Variants in PTPN4 observed in about 807,000 individuals in gnomAD.
PTPN4 encodes the protein tyrosine-protein phosphatase non-receptor type 4.
In PTPN4, 49 loss-of-function variants were observed where a neutral mutation model predicts 135.5. That is an observed-to-expected ratio of 0.36 (90% CI 0.29 to 0.46). PTPN4 has a LOEUF of 0.46. PTPN4 is among the 20% of genes least tolerant of loss of function. PTPN4 has a pLI of 1.00. For missense variants in PTPN4, 860 were observed against 1,101.0 expected, an observed-to-expected ratio of 0.78 and a Z score of 3.10; for synonymous variants, 333 against 369.9, an observed-to-expected ratio of 0.90 and a Z score of 1.14.
chr2:119,926,526 C>T, intron 12 of PTPN4, 72 bp from the exon 13 acceptor site: 1 of 1,027,290 alleles, frequency 9.7e-7, no homozygotes, highest in Non-Finnish European at 1.4e-6. Flanking sequence ...ACACTATAAT[C>T]ATGTTATGTG....
Position 119,979,663 on chromosome 2 carries a change from T to C in PTPN4, c.*2593T>C, listed in dbSNP as rs1339321757. 5 of 152,140 alleles carry C rather than the reference T, an allele frequency of 3.3e-5. No individual in the cohort carries two copies. Among genetic ancestry groups the C allele is most frequent in the Non-Finnish European group, 7.4e-5 (5 of 67,972 alleles). The allele number at this position is 152,140 out of a possible 1,614,324, so 9.4% of individuals were successfully genotyped here. A position where few individuals can be genotyped will look rare whatever the true frequency, so the allele number is the denominator to read the frequency against. On this transcript the variant is annotated 3_prime_UTR_variant, in exon 27 of 27. Transcript: ENST00000263708. ...TTTCTAGAAATAATCCTAGCTTTCA[T>C]ACACCATGTAGTTCTAGACTCCGTC...
At chr2:119,915,829 T>A (rs1046124194) in intron 11 of PTPN4, 1 of 152,178 alleles carries the variant, frequency 6.6e-6, no homozygotes, top group Non-Finnish European at 1.5e-5. Flanking sequence ...CTGAGAAGTC[T>A]TGGCAAATTC....
intron 9 of PTPN4, among the ~76,000 whole-genome samples, chr2:119,892,430 G>C (rs1678253596): frequency 6.6e-6 from 1 of 152,178 alleles, no homozygotes; most frequent in Non-Finnish European, 1.5e-5. Context: ...TCATACATCA[G>C]ATATTGATAG....
chr2:119,865,793 GT>G (rs1235373253), intron 3 of PTPN4, among the ~76,000 whole-genome samples: 1 of 151,958 alleles, frequency 6.6e-6, no homozygotes, highest in Non-Finnish European at 1.5e-5. Flanking sequence ...TTATATATTA[GT>G]TTTAGAGAAT....
chr2:119,956,587 C>T (rs1192384587), intron 20 of PTPN4, among the ~76,000 whole-genome samples: 1 of 152,200 alleles, frequency 6.6e-6, no homozygotes, highest in African/African-American at 2.4e-5. Flanking sequence ...ACTTCAGGTG[C>T]TCCTGCTGTA....
chr2:119,774,931 C>T (rs1035331868), intron 1 of PTPN4, among the ~76,000 whole-genome samples: 23 of 151,482 alleles, frequency 1.5e-4, no homozygotes, highest in Non-Finnish European at 2.5e-4. Context: ...AGGCAGGAGT[C>T]GCATGAACCT....
Position 119,978,829 on chromosome 2 carries a change from T to G in PTPN4, c.*1759T>G, listed in dbSNP as rs571008273. On this transcript the variant is annotated 3_prime_UTR_variant, in exon 27 of 27. Coordinates refer to ENST00000263708, the MANE Select transcript of PTPN4 (RefSeq NM_002830.4). ...GAGTACACATTTTAAATCTTTGGTA[T>G]AATCTAAACGATGTCATTTCAGACA... 234 of 152,246 alleles carry G rather than the reference T, an allele frequency of 1.5e-3. 1 individual carries two copies. Among genetic ancestry groups the G allele is most frequent in the African/African-American group, 5.5e-3 (229 of 41,572 alleles). The allele number at this position is 152,246 out of a possible 1,614,324, so 9.4% of individuals were successfully genotyped here. A position where few individuals can be genotyped will look rare whatever the true frequency, so the allele number is the denominator to read the frequency against.
Position 119,822,608 on chromosome 2 carries a change from C to T in PTPN4, c.138+12617C>T, listed in dbSNP as rs142613272. Among the ~76,000 whole-genome samples the T allele has an allele frequency of 8.1e-4, 124 of 152,264 alleles. 1 individual carries two copies. Among genetic ancestry groups the T allele is most frequent in the East Asian group, 4.4e-3 (23 of 5,170 alleles). ...TCCTCACCTCGTGATCCACCTGCCT[C>T]GGCCTCCCAAAGTGCTGGGATTTCA... On this transcript the variant is annotated intron_variant, in intron 2 of 26. Coordinates refer to ENST00000263708, the MANE Select transcript of PTPN4 (RefSeq NM_002830.4).
intron 2 of PTPN4, among the ~76,000 whole-genome samples, chr2:119,826,597 A>G (rs978108824): frequency 1.3e-5 from 2 of 152,212 alleles, no homozygotes; most frequent in Non-Finnish European, 2.9e-5. Flanking sequence ...AAACTTCCTT[A>G]CAATACACAG....
At chr2:119,958,599 G>A (rs886822982) in intron 22 of PTPN4, among the ~76,000 whole-genome samples, 1 of 152,044 alleles carries the variant, frequency 6.6e-6, no homozygotes, top group Non-Finnish European at 1.5e-5. Context: ...CTCACCATTC[G>A]ATGTTGTCAT....
intron 2 of PTPN4, among the ~76,000 whole-genome samples, chr2:119,818,524 C>T (rs1029519253): frequency 2.0e-5 from 3 of 152,190 alleles, no homozygotes; most frequent in African/African-American, 7.2e-5. Context: ...AATCCTCCTA[C>T]CTCAGTCTCC....
intron 22 of PTPN4, among the ~76,000 whole-genome samples, chr2:119,959,715 A>G (rs1465266384): frequency 6.6e-6 from 1 of 152,212 alleles, no homozygotes; most frequent in Non-Finnish European, 1.5e-5. Flanking sequence ...GTGCTCCATA[A>G]TCAATATATC....
intron 2 of PTPN4, among the ~76,000 whole-genome samples, chr2:119,830,056 A>G (rs1424328585): frequency 1.3e-5 from 2 of 151,944 alleles, no homozygotes; most frequent in Non-Finnish European, 2.9e-5. Flanking sequence ...AGGTTACACT[A>G]TTTTTGAGAC....
At chr2:119,943,580 C>CTTTTTTTTTT (rs70949374) in intron 15 of PTPN4, among the ~76,000 whole-genome samples, 2,008 of 79,618 alleles carry the variant, frequency 0.025, 9 homozygotes, top group Non-Finnish European at 0.03. Context: ...TCATTTTTTT[C>CTTTTTTTTTT]TTTTTTTTTT....
chr2:119,806,916 T>G (rs1691480956), intron 1 of PTPN4, among the ~76,000 whole-genome samples: 1 of 152,154 alleles, frequency 6.6e-6, no homozygotes, highest in Admixed American at 6.5e-5. Context: ...AACTCAGGAT[T>G]AAGAAACTCA....
At chr2:119,954,519 G>T (rs1679252395) in intron 19 of PTPN4, among the ~76,000 whole-genome samples, 1 of 152,192 alleles carries the variant, frequency 6.6e-6, no homozygotes, top group Non-Finnish European at 1.5e-5. Flanking sequence ...ACAGTTTGTG[G>T]AGGGACAGGT....
intron 1 of PTPN4, among the ~76,000 whole-genome samples, chr2:119,768,720 C>T (rs10187919): frequency 0.3 from 45,081 of 151,990 alleles, 6,888 homozygotes; most frequent in African/African-American, 0.36. Context: ...CCTTGCTTGC[C>T]GCCTCTGAGG....
At chr2:119,829,411 AC>A (rs1159886476) in intron 2 of PTPN4, among the ~76,000 whole-genome samples, 1 of 152,164 alleles carries the variant, frequency 6.6e-6, no homozygotes, top group Non-Finnish European at 1.5e-5. Context: ...ATGTTGTATA[AC>A]CTTTCATGTC....
chr2:119,775,542 C>T (rs564287444), intron 1 of PTPN4, among the ~76,000 whole-genome samples: 4 of 152,176 alleles, frequency 2.6e-5, no homozygotes, highest in Non-Finnish European at 5.9e-5. Context: ...ATTGATTAGT[C>T]CTAAGGACCT....
Sources: gnomAD v4.1 joint callset for allele counts (sites outside exome capture counted in the v4.1 genomes callset) on GRCh38, gnomAD v4.1.1 for gene constraint, MANE v1.5 for transcripts, NCBI Gene and HGNC (gene_info 2026-07-23, HGNC 2026-07-21) for gene names.